The following LUZP2 variants were observed in gnomAD, a reference collection of about 807,000 sequenced individuals.
The protein encoded by LUZP2 is leucine zipper protein 2.
Under a neutral mutation model 51.6 loss-of-function variants are expected in LUZP2, and 52 were observed. The observed-to-expected ratio is 1.01, with a 90% CI of 0.81 to 1.27. The LOEUF (loss-of-function observed/expected upper bound fraction) is 1.27. LUZP2 is among the 50% of genes most tolerant of loss of function. The pLI is 0.00. For synonymous variants in LUZP2, 154 were observed against 137.3 expected, an observed-to-expected ratio of 1.12 and a Z score of -0.85; for missense variants, 436 against 395.4, an observed-to-expected ratio of 1.10 and a Z score of -0.87.
chr11:24,780,455 T>G (rs1405689050), intron 5 of LUZP2, among the ~76,000 whole-genome samples: 1 of 152,148 alleles, frequency 6.6e-6, no homozygotes, highest in Non-Finnish European at 1.5e-5. Flanking sequence ...TGTAATAAAC[T>G]TATATGATAG....
At chr11:24,905,911 A>C in intron 5 of LUZP2, 80 bp from the exon 6 acceptor site, 7 of 1,009,914 alleles carry the variant, frequency 6.9e-6, no homozygotes, top group Non-Finnish European at 1.1e-5. Context: ...ACAGAACATA[A>C]AGCAATAATG....
At chr11:24,633,640 C>A (rs1033979468) in intron 1 of LUZP2, among the ~76,000 whole-genome samples, 13 of 151,968 alleles carry the variant, frequency 8.6e-5, no homozygotes, top group East Asian at 3.9e-4. Flanking sequence ...AAAATAATCA[C>A]AATTTACTTT....
chr11:24,887,359 G>C (rs927219244), intron 5 of LUZP2, among the ~76,000 whole-genome samples: 2 of 152,162 alleles, frequency 1.3e-5, no homozygotes, highest in African/African-American at 4.8e-5. Flanking sequence ...GAGATGAAAG[G>C]TCAGACAGAG....
chr11:24,961,350 T>C (rs1236190118), intron 7 of LUZP2, among the ~76,000 whole-genome samples: 2 of 152,224 alleles, frequency 1.3e-5, no homozygotes, highest in Non-Finnish European at 2.9e-5. Flanking sequence ...AGTGGGGTGT[T>C]AAAATCTCCC....
At chr11:24,534,829 A>G (rs4547087) in intron 1 of LUZP2, among the ~76,000 whole-genome samples, 32,865 of 151,268 alleles carry the variant, frequency 0.22, 4,425 homozygotes, top group African/African-American at 0.38. Context: ...TAAAATATTT[A>G]TAACGATAAT....
At chr11:24,702,996 A>ATGGAATC (rs1857462211) in intron 1 of LUZP2, among the ~76,000 whole-genome samples, 4 of 152,332 alleles carry the variant, frequency 2.6e-5, no homozygotes, top group Admixed American at 6.5e-5. Flanking sequence ...AAACTAAAAC[A>ATGGAATC]TGGAATCTGT....
At chr11:24,518,144 A>G (rs1252196070) in intron 1 of LUZP2, among the ~76,000 whole-genome samples, 2 of 152,144 alleles carry the variant, frequency 1.3e-5, no homozygotes, top group African/African-American at 2.4e-5. Context: ...CAAATAAAAA[A>G]TTAGTTCTTA....
intron 1 of LUZP2, among the ~76,000 whole-genome samples, chr11:24,586,351 TAG>T (rs1295348111): frequency 3.3e-5 from 5 of 152,150 alleles, no homozygotes; most frequent in African/African-American, 1.2e-4. Flanking sequence ...TTGTGTTTTT[TAG>T]AGTTGTATTT....
chr11:24,497,293 T>A lies in LUZP2; in HGVS notation c.50T>A (p.Val17Asp). 6.4e-7 allele frequency: 1 copy of A among 1,564,982 alleles called. No individual in the cohort carries two copies. Among genetic ancestry groups the A allele is most frequent in the Non-Finnish European group, 8.7e-7 (1 of 1,154,182 alleles). ...HYLLPLLPAL[V>D]LSTRQDYEEL... ...CTGCTGCCTCTCCTGCCTGCGCTGGTCCTCAGCACCAGGTGAGTCCAGGAG... is the reference window on the plus strand; with the variant it reads ...CTGCTGCCTCTCCTGCCTGCGCTGGACCTCAGCACCAGGTGAGTCCAGGAG... The change falls in exon 1 of 12, where the codon GTC becomes GAC. Residue 17 changes from valine to aspartate, a missense_variant. Physicochemically the swap from Val to Asp is radical, Grantham distance 152. Transcript: ENST00000336930.
intron 6 of LUZP2, among the ~76,000 whole-genome samples, chr11:24,912,381 G>C (rs997326866): frequency 1.3e-5 from 2 of 152,004 alleles, no homozygotes; most frequent in Non-Finnish European, 2.9e-5. Flanking sequence ...GAACCTTGTA[G>C]TGGTGCATCA....
At chr11:24,498,421 C>A (rs575442570) in intron 1 of LUZP2, among the ~76,000 whole-genome samples, 9 of 152,314 alleles carry the variant, frequency 5.9e-5, no homozygotes, top group African/African-American at 2.2e-4. Flanking sequence ...AATCTACACA[C>A]CTTCTTTCAG....
intron 5 of LUZP2, among the ~76,000 whole-genome samples, chr11:24,823,805 T>C (rs1410254606): frequency 6.6e-6 from 1 of 152,190 alleles, no homozygotes; most frequent in African/African-American, 2.4e-5. Context: ...GGTTCACACC[T>C]GTAATCCGAG....
At position 24,741,984 on chromosome 11, in the gene LUZP2, T is replaced by TATATATAAATATATACATTTATATATA. The variant is rs1859188332; in HGVS notation, c.333+3692_333+3693insATATACATTTATATATAATATATAAAT. 3.7e-5 allele frequency among the ~76,000 whole-genome samples: 3 copies of TATATATAAATATATACATTTATATATA among 81,750 alleles called. No homozygotes were observed. In the South Asian group the frequency reaches 1.1e-3, roughly 30 times the overall value. The allele number at this position is 81,750 out of a possible 152,430, so 53.6% of individuals were successfully genotyped here. On this transcript the variant is annotated intron_variant, in intron 4 of 11. Transcript: ENST00000336930. The stretch of plus-strand genomic sequence containing the variant: ...TATATAAATATATACATTTATATAT[T>TATATATAAATATATACATTTATATATA]ATATATAAATGTATATATTATATAT...
intron 1 of LUZP2, among the ~76,000 whole-genome samples, chr11:24,509,567 C>T (rs1242450402): frequency 6.7e-6 from 1 of 148,502 alleles, no homozygotes; most frequent in Non-Finnish European, 1.5e-5. Flanking sequence ...AAATATATTA[C>T]TCATAGACAT....
intron 1 of LUZP2, among the ~76,000 whole-genome samples, chr11:24,599,124 A>G (rs1038321271): frequency 3.9e-5 from 6 of 152,122 alleles, no homozygotes; most frequent in Non-Finnish European, 8.8e-5. Flanking sequence ...TGGAGCTAGA[A>G]AATGTTTTCT....
intron 9 of LUZP2, among the ~76,000 whole-genome samples, chr11:25,018,236 A>G (rs1857221113): frequency 6.6e-6 from 1 of 152,116 alleles, no homozygotes; most frequent in Non-Finnish European, 1.5e-5. Context: ...TAGGTATGCA[A>G]CCATGGCATT....
At chr11:24,731,152 T>C (rs1858698556) in intron 2 of LUZP2, among the ~76,000 whole-genome samples, 1 of 151,778 alleles carries the variant, frequency 6.6e-6, no homozygotes, top group Non-Finnish European at 1.5e-5. Context: ...CCTGTTATAA[T>C]ACTTATCATA....
At chr11:25,071,659 G>A (rs574066526) in intron 10 of LUZP2, among the ~76,000 whole-genome samples, 142 of 151,588 alleles carry the variant, frequency 9.4e-4, no homozygotes, top group African/African-American at 3.3e-3. Context: ...TCACACACCG[G>A]GGCCTGTCAT....
intron 1 of LUZP2, among the ~76,000 whole-genome samples, chr11:24,687,551 G>T (rs189290787): frequency 1.2e-4 from 18 of 152,272 alleles, no homozygotes; most frequent in African/African-American, 4.3e-4. Context: ...GCTAAGAAGC[G>T]GAGACAGAGT....
Sources: allele counts gnomAD v4.1 joint callset (sites outside exome capture counted in the v4.1 genomes callset), GRCh38; gene constraint gnomAD v4.1.1; transcripts MANE v1.5; gene names NCBI Gene and HGNC (gene_info 2026-07-23, HGNC 2026-07-21).